Variants in PLXDC2 observed in about 807,000 individuals in gnomAD.
PLXDC2 encodes plexin domain containing 2.
Under a neutral mutation model 68.9 loss-of-function variants are expected in PLXDC2, and 40 were observed. The observed-to-expected ratio is 0.58, with a 90% confidence interval of 0.45 to 0.76. The LOEUF (loss-of-function observed/expected upper bound fraction) is 0.76, where lower values mean the gene tolerates loss of function less well. PLXDC2 is among the 30% of genes least tolerant of loss of function. The pLI, the probability that PLXDC2 is intolerant of heterozygous loss-of-function variation, is 0.00. For missense variants in PLXDC2, 644 were observed against 661.9 expected, an observed-to-expected ratio of 0.97 and a Z score of 0.30; for synonymous variants, 243 against 234.2, an observed-to-expected ratio of 1.04 and a Z score of -0.34.
chr10:19,911,469 C>T (rs751905223), intron 1 of PLXDC2, among the ~76,000 whole-genome samples: 1 of 152,024 alleles, frequency 6.6e-6, no homozygotes, highest in Non-Finnish European at 1.5e-5. Context: ...TAAAATTTCC[C>T]ATATACCTTA....
intron 10 of PLXDC2, among the ~76,000 whole-genome samples, chr10:20,214,507 T>C (rs1299018075): frequency 1.3e-5 from 2 of 152,166 alleles, no homozygotes; most frequent in Non-Finnish European, 2.9e-5. Context: ...ATTTTTTTCC[T>C]CAGGGCAAAT....
intron 1 of PLXDC2, among the ~76,000 whole-genome samples, chr10:19,918,614 G>T (rs1031723218): frequency 2.0e-5 from 3 of 152,164 alleles, no homozygotes; most frequent in Non-Finnish European, 2.9e-5. Flanking sequence ...TAGAAGCTTG[G>T]TCTGGCCTCT....
chr10:20,202,193 GA>G (rs1834929766), intron 9 of PLXDC2, among the ~76,000 whole-genome samples: 1 of 151,900 alleles, frequency 6.6e-6, no homozygotes, highest in South Asian at 2.1e-4. Flanking sequence ...AAAGGAACAA[GA>G]AAAAAAGGAA....
intron 4 of PLXDC2, among the ~76,000 whole-genome samples, chr10:20,082,919 T>C (rs1836595880): frequency 6.6e-6 from 1 of 151,170 alleles, no homozygotes; most frequent in African/African-American, 2.5e-5. Context: ...AGGATGCAGA[T>C]AAATGTTACT....
At chr10:20,052,641 G>A (rs940014705) in intron 3 of PLXDC2, among the ~76,000 whole-genome samples, 2 of 145,826 alleles carry the variant, frequency 1.4e-5, no homozygotes, top group Admixed American at 7.1e-5. Flanking sequence ...GCTCCAAGGG[G>A]AAGAAGGGAG....
intron 12 of PLXDC2, among the ~76,000 whole-genome samples, chr10:20,229,483 G>A (rs555951191): frequency 1.9e-4 from 24 of 126,012 alleles, no homozygotes; most frequent in African/African-American, 6.1e-4. Context: ...TTAGCCATGC[G>A]TATTACTCAC....
chr10:19,850,094 A>C (rs1280571974), intron 1 of PLXDC2, among the ~76,000 whole-genome samples: 1 of 152,142 alleles, frequency 6.6e-6, no homozygotes, highest in African/African-American at 2.4e-5. Context: ...ACATTCATCA[A>C]TATACTTTGC....
chr10:20,146,456 TTCC>T (rs1834080099), intron 5 of PLXDC2, among the ~76,000 whole-genome samples: 1 of 149,802 alleles, frequency 6.7e-6, no homozygotes, highest in African/African-American at 2.5e-5. Flanking sequence ...CCTTTCTTCC[TTCC>T]TTCCTTCCTT....
intron 9 of PLXDC2, among the ~76,000 whole-genome samples, chr10:20,179,984 G>A (rs947926529): frequency 3.9e-5 from 6 of 152,036 alleles, no homozygotes; most frequent in African/African-American, 1.4e-4. Flanking sequence ...GGTGCATTAA[G>A]CAAGATAATT....
chr10:20,029,656 C>T (rs973438954), intron 2 of PLXDC2, among the ~76,000 whole-genome samples: 5 of 152,106 alleles, frequency 3.3e-5, no homozygotes, highest in Non-Finnish European at 5.9e-5. Context: ...TTTTAGCTAT[C>T]TTGTAATTTT....
intron 6 of PLXDC2, among the ~76,000 whole-genome samples, chr10:20,150,669 A>G (rs909004392): frequency 6.6e-6 from 1 of 152,222 alleles, no homozygotes; most frequent in Admixed American, 6.5e-5. Flanking sequence ...ACGCAAGGTC[A>G]GTAAGTTTGG....
intron 1 of PLXDC2, among the ~76,000 whole-genome samples, chr10:19,917,227 G>A (rs898651120): frequency 1.1e-4 from 16 of 152,052 alleles, no homozygotes; most frequent in Non-Finnish European, 1.0e-4. Flanking sequence ...ATGGTGACTT[G>A]AGCATTGCTC....
At chr10:19,892,621 C>A (rs1837984692) in intron 1 of PLXDC2, among the ~76,000 whole-genome samples, 1 of 152,116 alleles carries the variant, frequency 6.6e-6, no homozygotes, top group Non-Finnish European at 1.5e-5. Context: ...TCATATTTGG[C>A]TATAAAAGCC....
At chr10:19,885,429 G>T (rs911287202) in intron 1 of PLXDC2, among the ~76,000 whole-genome samples, 3 of 151,990 alleles carry the variant, frequency 2.0e-5, no homozygotes, top group Admixed American at 6.6e-5. Flanking sequence ...GTCCTTGCCC[G>T]TGCCTATGTC....
chr10:19,859,424 G>C (rs1837277868), intron 1 of PLXDC2, among the ~76,000 whole-genome samples: 1 of 151,960 alleles, frequency 6.6e-6, no homozygotes, highest in Non-Finnish European at 1.5e-5. Flanking sequence ...TCTTTTTTCA[G>C]ACTGTACCTT....
At chr10:19,829,741 T>A (rs1327948567) in intron 1 of PLXDC2, among the ~76,000 whole-genome samples, 13 of 150,928 alleles carry the variant, frequency 8.6e-5, no homozygotes, top group South Asian at 6.3e-4. Flanking sequence ...AGTAAAAATT[T>A]AAAAAAAAAG....
At chr10:19,818,035 C>G (rs1368667300) in intron 1 of PLXDC2, among the ~76,000 whole-genome samples, 1 of 152,066 alleles carries the variant, frequency 6.6e-6, no homozygotes, top group Non-Finnish European at 1.5e-5. Flanking sequence ...TGCCTACTCC[C>G]CATTTCTGCC....
At chr10:19,955,873 G>T (rs568201221) in intron 1 of PLXDC2, among the ~76,000 whole-genome samples, 1 of 152,092 alleles carries the variant, frequency 6.6e-6, no homozygotes, top group Non-Finnish European at 1.5e-5. Flanking sequence ...TGAGTCAGGA[G>T]TTCGAGACCA....
intron 9 of PLXDC2, among the ~76,000 whole-genome samples, chr10:20,189,727 T>C (rs1410942934): frequency 6.6e-6 from 1 of 151,244 alleles, no homozygotes; most frequent in African/African-American, 2.4e-5. Context: ...AAAATGCTTG[T>C]AATTCTTGTC....
Sources: allele counts gnomAD v4.1 joint callset (sites outside exome capture counted in the v4.1 genomes callset), GRCh38; gene constraint gnomAD v4.1.1; transcripts MANE v1.5; gene names NCBI Gene and HGNC (gene_info 2026-07-23, HGNC 2026-07-21).